The following PCDHGA6 variants were observed in gnomAD, a reference collection of about 807,000 sequenced individuals.
PCDHGA6 encodes the protein protocadherin gamma subfamily A, 6, also known as protocadherin gamma-A6.
In PCDHGA6, 41 loss-of-function variants were observed where a neutral mutation model predicts 60.6. The ratio of observed to expected loss-of-function variants is 0.68; its 90% CI spans 0.53 to 0.88. The LOEUF (loss-of-function observed/expected upper bound fraction) is 0.88. Among genes scored for constraint, PCDHGA6 ranks in the 40% least tolerant of loss-of-function variants. The pLI, the probability that PCDHGA6 is intolerant of heterozygous loss-of-function variation, is 0.00. For synonymous variants in PCDHGA6, 594 were observed against 524.4 expected (o/e 1.13, Z -1.81); for missense variants, 1,312 against 1,203.0 (o/e 1.09, Z -1.34).
Position 141,425,635 on chromosome 5 carries a change from T to C in PCDHGA6, c.2424+49128T>C, listed in dbSNP as rs376675545. On this transcript the variant is annotated intron_variant, in intron 1 of 3. Coordinates refer to ENST00000517434, the MANE Select transcript of PCDHGA6 (RefSeq NM_018919.3). ...TCAGTGCTCCTCCAGTTTTCTCTGA[T>C]AAAACTAGGAGGAAAATTATCTGCA... Among the ~76,000 whole-genome samples, 51 of 152,354 alleles carry C rather than the reference T, an allele frequency of 3.3e-4. 1 individual carries two copies. The South Asian group carries it at 0.01, about 30-fold the overall frequency.
At chr5:141,447,023 G>GTT (rs5871773) in intron 1 of PCDHGA6, among the ~76,000 whole-genome samples, 2,010 of 151,524 alleles carry the variant, frequency 0.013, 40 homozygotes, top group African/African-American at 0.047. Context: ...GTTTTGTTTT[G>GTT]TTTTTTTTCT....
chr5:141,457,806 G>A (rs1321207711), intron 1 of PCDHGA6, among the ~76,000 whole-genome samples: 1 of 152,150 alleles, frequency 6.6e-6, no homozygotes, highest in Non-Finnish European at 1.5e-5. Context: ...CTCCTCTTGA[G>A]GTCCCAAGAT....
At chr5:141,449,261 G>A (rs148515123) in intron 1 of PCDHGA6, among the ~76,000 whole-genome samples, 101 of 152,156 alleles carry the variant, frequency 6.6e-4, no homozygotes, top group Non-Finnish European at 1.3e-3. Flanking sequence ...ATTGTACAAA[G>A]AACTGTATCT....
rs545544226 is a variant in PCDHGA6, at chr5:141,376,066, C to T, written c.1983C>T (p.Thr661=). 2.3e-5 allele frequency: 37 copies of T among 1,613,396 alleles called. 2 individuals are homozygous for T. The South Asian group carries it at 3.6e-4, about 16-fold the overall frequency. ...CTCTCTCCGCCACTGTCACGCTCACCGTGGCCGTGGCCGACAGGATCCCCG... is the reference window on the plus strand; with the variant it reads ...CTCTCTCCGCCACTGTCACGCTCACTGTGGCCGTGGCCGACAGGATCCCCG... ...QPPLSATVTL[T]VAVADRIPDI... The change falls in exon 1 of 4, where the codon ACC becomes ACT. Residue 661 remains threonine (T), a synonymous_variant. Transcript: ENST00000517434.
chr5:141,487,304 C>T lies in PCDHGA6; in HGVS notation c.2425-7503C>T. The T allele has an allele frequency of 6.2e-7, 1 of 1,614,190 alleles. No homozygotes were observed. The highest frequency in any genetic ancestry group is 8.5e-7 in the Non-Finnish European group (1 of 1,180,042). On this transcript the variant is annotated intron_variant, in intron 1 of 3. Transcript: ENST00000517434. This position sits in a 1 kb window ranked among gnomAD's most constrained non-coding sequence, Gnocchi z 5.0. ...TGTCTCCTTTGGCTCATTCGTGGCA[C>T]TACTCTCTAAGTGTCTTCGTGGGGC...
chr5:141,404,018 G>A (rs1280619437), intron 1 of PCDHGA6: 1 of 1,613,864 alleles, frequency 6.2e-7, no homozygotes, highest in African/African-American at 1.3e-5. Flanking sequence ...GTTTAGCCCA[G>A]TGAGAGAAGA....
intron 2 of PCDHGA6, among the ~76,000 whole-genome samples, chr5:141,501,506 G>A (rs770097282): frequency 1.3e-5 from 2 of 151,864 alleles, no homozygotes; most frequent in Non-Finnish European, 2.9e-5. Context: ...GGGGCTCCAA[G>A]GCCTCCAAGC....
At chr5:141,454,311 T>G (rs755771201) in intron 1 of PCDHGA6, among the ~76,000 whole-genome samples, 6 of 152,216 alleles carry the variant, frequency 3.9e-5, no homozygotes, top group Admixed American at 2.6e-4. Context: ...TTTCAAAGCA[T>G]TGAAACCTCC....
In PCDHGA6 at chr5:141,432,039, G is replaced by A; in HGVS notation, c.2424+55532G>A. 1 of 1,614,176 alleles carries A rather than the reference G, an allele frequency of 6.2e-7. No individual in the cohort carries two copies. The highest frequency in any genetic ancestry group is 8.5e-7 in the Non-Finnish European group (1 of 1,180,028). ...AACATCACAGTGACCGCCACTGACC[G>A]GGGAACCCCGCCCCTATCCACGGAA... On this transcript the variant is annotated intron_variant, in intron 1 of 3. Coordinates refer to ENST00000517434, the MANE Select transcript of PCDHGA6 (RefSeq NM_018919.3). This position sits in a 1 kb window ranked among gnomAD's most constrained non-coding sequence, Gnocchi z 6.0.
At chr5:141,428,186 CCGCTCTCTGCGCCGCTA>C (rs1167279209) in intron 1 of PCDHGA6, 1 of 1,460,956 alleles carries the variant, frequency 6.8e-7, no homozygotes, top group Admixed American at 1.8e-5. Context: ...AGGACAGCCG[CCGCTCTCTGCGCCGCTA>C]CGCTTCACCT....
chr5:141,474,412 C>T (rs1282336092), intron 1 of PCDHGA6, among the ~76,000 whole-genome samples: 2 of 152,220 alleles, frequency 1.3e-5, no homozygotes, highest in African/African-American at 2.4e-5. Context: ...CCGGTGATGC[C>T]TAGACCATTG....
intron 1 of PCDHGA6, chr5:141,423,105 G>C (rs1480411428): frequency 1.9e-6 from 3 of 1,613,920 alleles, no homozygotes; most frequent in East Asian, 4.5e-5. Flanking sequence ...ACACGGGCGA[G>C]GTGCGTACAG....
At chr5:141,434,695 AAT>A (rs1228504579) in intron 1 of PCDHGA6, among the ~76,000 whole-genome samples, 7 of 152,212 alleles carry the variant, frequency 4.6e-5, no homozygotes, top group Non-Finnish European at 8.8e-5. Flanking sequence ...GCTGTTAATA[AAT>A]ATGTGGGTAA....
At chr5:141,387,529 T>C (rs933925608) in intron 1 of PCDHGA6, among the ~76,000 whole-genome samples, 2 of 152,236 alleles carry the variant, frequency 1.3e-5, no homozygotes, top group East Asian at 1.9e-4. Flanking sequence ...TACAGACGTA[T>C]CCACGTAGTT....
At chr5:141,508,017 G>C (rs2099865601) in intron 3 of PCDHGA6, 1 of 152,310 alleles carries the variant, frequency 6.6e-6, no homozygotes, top group Non-Finnish European at 1.5e-5. Context: ...TCTCAAGGAG[G>C]CTGCGGTTTG....
chr5:141,418,928 A>G, intron 1 of PCDHGA6: 1 of 1,613,978 alleles, frequency 6.2e-7, no homozygotes, highest in Non-Finnish European at 8.5e-7. Context: ...TGATCAGATT[A>G]TGGAGGATTC....
At chr5:141,430,076 T>C (rs2097260023) in intron 1 of PCDHGA6, among the ~76,000 whole-genome samples, 1 of 152,208 alleles carries the variant, frequency 6.6e-6, no homozygotes, top group South Asian at 2.1e-4. Context: ...GTTTCCATAA[T>C]ATCATGAAAA....
In PCDHGA6 at chr5:141,374,770, G is replaced by C. The variant is rs750704696; in HGVS notation, c.687G>C (p.Leu229=). 1.2e-6 allele frequency: 2 copies of C among 1,613,694 alleles called. No individual in the cohort carries two copies. The highest frequency in any genetic ancestry group is 1.7e-6 in the Non-Finnish European group (2 of 1,179,758). ...DPVRSSVAQI[L]VTVLDVNDNT... ...TCCGCTCAAGCGTCGCCCAAATTCTGGTAACAGTTCTAGATGTGAATGACA... is the reference window on the plus strand; with the variant it reads ...TCCGCTCAAGCGTCGCCCAAATTCTCGTAACAGTTCTAGATGTGAATGACA... The change falls in exon 1 of 4, where the codon CTG becomes CTC. Residue 229 remains leucine, a synonymous_variant. Coordinates refer to ENST00000517434, the MANE Select transcript of PCDHGA6 (RefSeq NM_018919.3).
At chr5:141,438,763 G>C (rs537316602) in intron 1 of PCDHGA6, among the ~76,000 whole-genome samples, 1 of 149,962 alleles carries the variant, frequency 6.7e-6, no homozygotes, top group South Asian at 2.1e-4. Context: ...CTGGGTTCAA[G>C]CGATTCTCCT....
Sources: allele counts gnomAD v4.1 joint callset (sites outside exome capture counted in the v4.1 genomes callset), GRCh38; gene constraint gnomAD v4.1.1; non-coding constraint Gnocchi (gnomAD v3.1); transcripts MANE v1.5; gene names NCBI Gene and HGNC (gene_info 2026-07-23, HGNC 2026-07-21).